Variants in TTC29 observed in about 807,000 individuals in gnomAD.
TTC29 encodes tetratricopeptide repeat domain 29.
Under a neutral mutation model 58.1 loss-of-function variants are expected in TTC29, and 49 were observed. The ratio of observed to expected loss-of-function variants is 0.84; its 90% confidence interval spans 0.67 to 1.07. The LOEUF (loss-of-function observed/expected upper bound fraction) is 1.07, where lower values mean the gene tolerates loss of function less well. TTC29 is among the 50% of genes least tolerant of loss of function. TTC29 has a pLI of 0.00. For synonymous variants in TTC29, 209 were observed against 196.8 expected (o/e 1.06, Z -0.52); for missense variants, 582 against 555.6 (o/e 1.05, Z -0.48).
intron 1 of TTC29, chr4:146,945,470 TTC>T (rs1367835258): frequency 6.6e-6 from 1 of 152,228 alleles, no homozygotes; most frequent in Non-Finnish European, 1.5e-5. Context: ...TGCCTAGTTT[TTC>T]ACTCCCCTCA....
At chr4:146,830,025 T>C (rs1229892209) in intron 9 of TTC29, among the ~76,000 whole-genome samples, 1 of 152,192 alleles carries the variant, frequency 6.6e-6, no homozygotes, top group African/African-American at 2.4e-5. Context: ...TCTGTCTGTA[T>C]GATAATAATA....
chr4:146,740,261 C>T (rs760652506), intron 11 of TTC29, among the ~76,000 whole-genome samples: 11 of 152,068 alleles, frequency 7.2e-5, no homozygotes, highest in East Asian at 3.9e-4. Context: ...TACATTTCAC[C>T]GGCTTAGGAG....
In TTC29 at chr4:146,939,878, T is replaced by TG. The variant is rs762115483; in HGVS notation, c.17dup (p.Leu7ThrfsTer34). The TG allele has an allele frequency of 8.7e-6, 14 of 1,612,966 alleles. No homozygotes were observed. Among genetic ancestry groups the TG allele is most frequent in the Admixed American group, 1.7e-5 (1 of 59,794 alleles). On this transcript the variant is annotated frameshift_variant, in exon 3 of 13. Coordinates refer to ENST00000325106, the MANE Select transcript of TTC29 (RefSeq NM_031956.4). LOFTEE classifies it high-confidence loss of function. ...TAAGCTTCGGGCGTGTCATGGGCAG[T>TG]GGGGGCAGGGTGGTCATTTCGGACT...
intron 7 of TTC29, among the ~76,000 whole-genome samples, chr4:146,874,385 T>C (rs1451384992): frequency 1.3e-5 from 2 of 152,146 alleles, no homozygotes; most frequent in East Asian, 3.9e-4. Flanking sequence ...GCAAGGAATA[T>C]ACAACCACAT....
intron 7 of TTC29, among the ~76,000 whole-genome samples, chr4:146,871,724 C>A (rs572813260): frequency 3.3e-5 from 5 of 151,396 alleles, no homozygotes; most frequent in Admixed American, 3.3e-4. Flanking sequence ...TATACACTGA[C>A]AACTATAAAA....
chr4:146,895,676 T>C (rs180708835), intron 6 of TTC29, among the ~76,000 whole-genome samples: 68 of 152,272 alleles, frequency 4.5e-4, no homozygotes, highest in African/African-American at 1.5e-3. Flanking sequence ...GAGACTCTGA[T>C]TAGAACAGAT....
At chr4:146,845,740 C>T (rs1289975794) in intron 8 of TTC29, among the ~76,000 whole-genome samples, 1 of 152,166 alleles carries the variant, frequency 6.6e-6, no homozygotes, top group Non-Finnish European at 1.5e-5. Flanking sequence ...CCTCCAGGCC[C>T]TTGTTAATTG....
intron 10 of TTC29, among the ~76,000 whole-genome samples, chr4:146,811,587 T>C (rs917102725): frequency 6.6e-6 from 1 of 152,166 alleles, no homozygotes; most frequent in Non-Finnish European, 1.5e-5. Flanking sequence ...AACCCTTACA[T>C]GGGAGAAAGT....
intron 11 of TTC29, among the ~76,000 whole-genome samples, chr4:146,773,867 T>A (rs1421971351): frequency 2.0e-5 from 3 of 152,014 alleles, no homozygotes; most frequent in Admixed American, 2.0e-4. Context: ...TGAATCCATC[T>A]GGTCCTGGGT....
chr4:146,803,274 T>G (rs563957694), intron 11 of TTC29, among the ~76,000 whole-genome samples, 183 bp downstream of exon 11: 2 of 152,286 alleles, frequency 1.3e-5, no homozygotes, highest in East Asian at 1.9e-4. Flanking sequence ...ATGCTTCTCT[T>G]AAACATCAAA....
At chr4:146,765,892 G>T (rs1184504181) in intron 11 of TTC29, among the ~76,000 whole-genome samples, 3 of 152,040 alleles carry the variant, frequency 2.0e-5, no homozygotes, top group African/African-American at 4.8e-5. Flanking sequence ...TGTTTTTAAA[G>T]CTTCAACTCT....
rs1731151617 is a variant in TTC29 at position 146,874,827 on chromosome 4, AG to A, written c.687del (p.Cys230ValfsTer5). On this transcript the variant is annotated frameshift_variant, in exon 7 of 13. Transcript: ENST00000325106. LOFTEE classifies it high-confidence loss of function. The stretch of plus-strand genomic sequence containing the variant: ...CTGTAAGTCCTCAGGAGACTCTCAC[AG>A]GCCAACAAGTTGAGAGAGCGGCCTG... The part of the protein sequence containing the change: ...DETGRSLNLL[A>X]CESLLRTYRL... 6.2e-7 allele frequency: 1 copy of A among 1,613,164 alleles called. No individual in the cohort carries two copies. Among genetic ancestry groups the A allele is most frequent in the South Asian group, 1.1e-5 (1 of 91,030 alleles).
intron 10 of TTC29, among the ~76,000 whole-genome samples, chr4:146,806,406 C>A (rs1406359736): frequency 6.6e-6 from 1 of 152,160 alleles, no homozygotes; most frequent in African/African-American, 2.4e-5. Flanking sequence ...TGTAAATGGG[C>A]TAAATGCCCC....
intron 10 of TTC29, among the ~76,000 whole-genome samples, chr4:146,806,704 T>C (rs1379903067): frequency 4.6e-5 from 7 of 151,442 alleles, no homozygotes; most frequent in East Asian, 1.9e-4. Flanking sequence ...TAAATACATA[T>C]GCACCCCATA....
intron 11 of TTC29, among the ~76,000 whole-genome samples, chr4:146,797,812 T>C (rs1749925623): frequency 1.4e-5 from 2 of 145,202 alleles, no homozygotes; most frequent in African/African-American, 5.0e-5. Flanking sequence ...GTAAAACAAC[T>C]GGCCACTGAT....
chr4:146,838,971 C>T (rs1386257882), intron 8 of TTC29, among the ~76,000 whole-genome samples: 2 of 152,014 alleles, frequency 1.3e-5, no homozygotes, highest in Admixed American at 1.3e-4. Context: ...TTAGATGGAA[C>T]TGTCCCCTGA....
chr4:146,838,140 A>C (rs1728632201), intron 8 of TTC29, among the ~76,000 whole-genome samples: 1 of 152,030 alleles, frequency 6.6e-6, no homozygotes, highest in Admixed American at 6.6e-5. Context: ...ACCAAAATGA[A>C]ATAGATGTAC....
chr4:146,836,617 C>T (rs1437657267), intron 8 of TTC29, among the ~76,000 whole-genome samples: 1 of 152,042 alleles, frequency 6.6e-6, no homozygotes, highest in African/African-American at 2.4e-5. Flanking sequence ...CATGATACTA[C>T]AAATTCTGTA....
In TTC29 at chr4:146,708,663, T is replaced by C. The variant is rs545992943; in HGVS notation, c.1331-1112A>G. ...TATTCCTGTTTATGACAGGCCCCAG[T>C]TTTCAGGTCCCTTCATTCTATTTTT... On this transcript the variant is annotated intron_variant, in intron 11 of 12. Coordinates refer to ENST00000325106, the MANE Select transcript of TTC29 (RefSeq NM_031956.4). Among the ~76,000 whole-genome samples, 3 of 151,946 alleles carry C rather than the reference T, an allele frequency of 2.0e-5. No homozygotes were observed. In the East Asian group the frequency reaches 5.8e-4, roughly 29 times the overall value.
Sources: allele counts gnomAD v4.1 joint callset (sites outside exome capture counted in the v4.1 genomes callset), GRCh38; gene constraint gnomAD v4.1.1; transcripts MANE v1.5; gene names NCBI Gene and HGNC (gene_info 2026-07-23, HGNC 2026-07-21).